Variants in ANO2 observed in about 807,000 individuals in gnomAD.
The protein encoded by ANO2 is anoctamin-2.
In ANO2, 101 loss-of-function variants were observed where a neutral mutation model predicts 124.2. The ratio of observed to expected loss-of-function variants is 0.81; its 90% CI spans 0.69 to 0.96. The LOEUF (loss-of-function observed/expected upper bound fraction) is 0.96, where lower values mean the gene tolerates loss of function less well. Among genes scored for constraint, ANO2 ranks in the 40% least tolerant of loss-of-function variants. The pLI is 0.00. For missense variants in ANO2, 1,293 were observed against 1,274.5 expected (o/e 1.01, Z -0.22); for synonymous variants, 486 against 482.5 (o/e 1.01, Z -0.09).
chr12:5,892,423 A>G (rs1939480865), intron 3 of ANO2, among the ~76,000 whole-genome samples: 1 of 152,224 alleles, frequency 6.6e-6, no homozygotes, highest in South Asian at 2.1e-4. Flanking sequence ...CCAGAAACAG[A>G]TTTATGAAGT....
chr12:5,649,945 AG>A (rs1946837185), intron 14 of ANO2, among the ~76,000 whole-genome samples: 1 of 152,212 alleles, frequency 6.6e-6, no homozygotes, highest in Non-Finnish European at 1.5e-5. Flanking sequence ...CACTGCACCC[AG>A]CCACCTAAGG....
intron 10 of ANO2, among the ~76,000 whole-genome samples, chr12:5,796,479 C>CAA (rs35508923): frequency 6.7e-6 from 1 of 150,268 alleles, no homozygotes; most frequent in African/African-American, 2.5e-5. Context: ...TACACACACA[C>CAA]AAACTCACAA....
chr12:5,796,511 A>G (rs1469519444), intron 10 of ANO2, among the ~76,000 whole-genome samples: 1 of 151,548 alleles, frequency 6.6e-6, no homozygotes, highest in Admixed American at 6.6e-5. Flanking sequence ...ACACTCTCAC[A>G]CGAACACATT....
chr12:5,870,946 C>T (rs530344205), intron 3 of ANO2, among the ~76,000 whole-genome samples: 19 of 152,302 alleles, frequency 1.2e-4, no homozygotes, highest in African/African-American at 4.1e-4. Flanking sequence ...TTACTATGAT[C>T]GTTTTCTGGA....
chr12:5,696,725 G>A (rs1188409883), intron 14 of ANO2, among the ~76,000 whole-genome samples: 1 of 152,080 alleles, frequency 6.6e-6, no homozygotes. Context: ...AATCCTAAAT[G>A]AAATATAAGC....
intron 19 of ANO2, among the ~76,000 whole-genome samples, chr12:5,609,869 G>GTGTATATATATATATATATATA (rs138016284): frequency 6.9e-6 from 1 of 144,378 alleles, no homozygotes; most frequent in Non-Finnish European, 1.5e-5. Flanking sequence ...TTTAGAAAAT[G>GTGTATATATATATATATATATA]TATATATATA....
At chr12:5,713,936 G>A (rs1319233452) in intron 14 of ANO2, among the ~76,000 whole-genome samples, 1 of 152,080 alleles carries the variant, frequency 6.6e-6, no homozygotes, top group Non-Finnish European at 1.5e-5. Context: ...CCCTCTATCT[G>A]CCAGGTCTCC....
At chr12:5,844,839 G>GTGTTTGTTTGTTTGTT (rs6144597) in intron 4 of ANO2, among the ~76,000 whole-genome samples, 45 of 150,978 alleles carry the variant, frequency 3.0e-4, no homozygotes, top group East Asian at 9.8e-4. Flanking sequence ...CAGTTTTTGT[G>GTGTTTGTTTGTTTGTT]TGTTTGTTTG....
intron 14 of ANO2, among the ~76,000 whole-genome samples, chr12:5,652,300 A>G (rs1009023917): frequency 1.3e-5 from 2 of 152,130 alleles, no homozygotes; most frequent in African/African-American, 4.8e-5. Context: ...CTTACAGAAA[A>G]GCTTCAAAGG....
chr12:5,893,510 C>G (rs1555179393), intron 3 of ANO2, among the ~76,000 whole-genome samples: 1 of 136,190 alleles, frequency 7.3e-6, no homozygotes, highest in African/African-American at 2.7e-5. Context: ...TTTAATTATA[C>G]TTTAAGTTCT....
At position 5,826,437 on chromosome 12, in the gene ANO2, CATATATATATATAT is replaced by C. The variant is rs10526567; in HGVS notation, c.892+1318_892+1331del. ...TCGGTGGGCTAATGCTTAATAAACT[CATATATATATATAT>C]ATATATATATATATATATATATATA... On this transcript the variant is annotated intron_variant, in intron 7 of 24. Coordinates refer to ENST00000682330, the MANE Select transcript of ANO2 (RefSeq NM_001364791.2). Among the ~76,000 whole-genome samples, 578 of 144,316 alleles carry C rather than the reference CATATATATATATAT, an allele frequency of 4.0e-3. 6 individuals carry two copies. The highest frequency in any genetic ancestry group is 0.012 in the African/African-American group (446 of 36,468). 94.7% of individuals were successfully genotyped at this position (144,316 alleles called of 152,430 possible).
intron 3 of ANO2, among the ~76,000 whole-genome samples, chr12:5,868,178 A>C (rs1320916240): frequency 6.6e-6 from 1 of 152,190 alleles, no homozygotes; most frequent in African/African-American, 2.4e-5. Context: ...GTACACCATT[A>C]ATATATACAT....
intron 3 of ANO2, among the ~76,000 whole-genome samples, chr12:5,857,079 A>C (rs1955120671): frequency 6.6e-6 from 1 of 152,232 alleles, no homozygotes; most frequent in East Asian, 1.9e-4. Context: ...CAAAGAAAAA[A>C]AGTAACTCCT....
chr12:5,637,322 T>C (rs1482112581), intron 15 of ANO2, among the ~76,000 whole-genome samples: 1 of 140,384 alleles, frequency 7.1e-6, no homozygotes, highest in Admixed American at 7.3e-5. Context: ...GAGGTGAGGG[T>C]ATTGAGGAGT....
intron 14 of ANO2, among the ~76,000 whole-genome samples, chr12:5,691,982 G>A (rs1372999419): frequency 3.3e-5 from 5 of 152,202 alleles, no homozygotes; most frequent in African/African-American, 1.2e-4. Flanking sequence ...GCCAGATCTT[G>A]TGAGGCCTGG....
intron 3 of ANO2, among the ~76,000 whole-genome samples, chr12:5,884,349 G>A (rs1389561981): frequency 1.3e-5 from 2 of 152,204 alleles, no homozygotes; most frequent in East Asian, 1.9e-4. Context: ...CCTCAGATGT[G>A]GGCTGATATG....
chr12:5,734,158 A>G (rs182106023), intron 13 of ANO2, among the ~76,000 whole-genome samples: 12 of 152,360 alleles, frequency 7.9e-5, no homozygotes, highest in Non-Finnish European at 1.6e-4. Context: ...GAACGTATCG[A>G]CTTTCTGAGA....
At chr12:5,705,061 T>C (rs1465100910) in intron 14 of ANO2, among the ~76,000 whole-genome samples, 1 of 152,222 alleles carries the variant, frequency 6.6e-6, no homozygotes, top group Non-Finnish European at 1.5e-5. Flanking sequence ...AAGGTTTCAC[T>C]GAAAAAAATT....
At chr12:5,682,640 T>A (rs529102714) in intron 14 of ANO2, among the ~76,000 whole-genome samples, 1 of 152,164 alleles carries the variant, frequency 6.6e-6, no homozygotes, top group African/African-American at 2.4e-5. Flanking sequence ...ACGTTAGGCA[T>A]TGGAAGAGCC....
Sources: allele counts gnomAD v4.1 joint callset (sites outside exome capture counted in the v4.1 genomes callset), GRCh38; gene constraint gnomAD v4.1.1; transcripts MANE v1.5; gene names NCBI Gene and HGNC (gene_info 2026-07-23, HGNC 2026-07-21).